Variants in IQGAP2 observed in about 807,000 individuals in gnomAD.
IQGAP2 encodes ras GTPase-activating-like protein IQGAP2.
In IQGAP2, 173 loss-of-function variants were observed where a neutral mutation model predicts 201.3. The ratio of observed to expected loss-of-function variants is 0.86; its 90% CI spans 0.76 to 0.98. IQGAP2 has a LOEUF of 0.98. Ranked by LOEUF, IQGAP2 falls within the 50% of genes least tolerant of loss-of-function variation. IQGAP2 has a pLI of 0.00. For missense variants in IQGAP2, 1,687 were observed against 1,864.8 expected (o/e 0.90, Z 1.76); for synonymous variants, 675 against 673.9 (o/e 1.00, Z -0.03).
In IQGAP2 at chr5:76,455,232, G is replaced by A. The variant is rs1312394745; in HGVS notation, c.47-6338G>A. On this transcript the variant is annotated intron_variant, in intron 1 of 35. Transcript: ENST00000274364. ...GGGAGGCTGAGGTGGGCATCCCTCA[G>A]GAGGTCAGGAGTTTGAGACCTGCCT... is the stretch of plus-strand genomic sequence containing the variant. Among the ~76,000 whole-genome samples, 3 of 151,862 alleles carry A rather than the reference G, an allele frequency of 2.0e-5. No homozygotes were observed. In the East Asian group the frequency reaches 5.8e-4, roughly 29 times the overall value.
At chr5:76,650,637 A>G (rs891674547) in intron 17 of IQGAP2, among the ~76,000 whole-genome samples, 1 of 152,106 alleles carries the variant, frequency 6.6e-6, no homozygotes, top group Non-Finnish European at 1.5e-5. Context: ...TTTTTTATAT[A>G]TATACTTTAA....
intron 2 of IQGAP2, among the ~76,000 whole-genome samples, chr5:76,560,299 C>T (rs1011288578): frequency 4.1e-4 from 61 of 150,408 alleles, no homozygotes; most frequent in African/African-American, 1.2e-3. Context: ...ACCACAGGTG[C>T]AAACCACCAT....
At chr5:76,502,970 G>A (rs1757361731) in intron 2 of IQGAP2, among the ~76,000 whole-genome samples, 1 of 151,090 alleles carries the variant, frequency 6.6e-6, no homozygotes, top group Non-Finnish European at 1.5e-5. Context: ...GTCTTGAACT[G>A]CCAGGCTCAA....
At chr5:76,417,928 G>T (rs1751503768) in intron 1 of IQGAP2, among the ~76,000 whole-genome samples, 1 of 151,728 alleles carries the variant, frequency 6.6e-6, no homozygotes, top group Non-Finnish European at 1.5e-5. Flanking sequence ...GATTTTCCTG[G>T]CTGGGCGCGG....
intron 2 of IQGAP2, among the ~76,000 whole-genome samples, chr5:76,518,653 G>A (rs1758483620): frequency 6.6e-6 from 1 of 152,182 alleles, no homozygotes; most frequent in South Asian, 2.1e-4. Context: ...CTGCTTGGCA[G>A]TAATTGAACG....
intron 1 of IQGAP2, among the ~76,000 whole-genome samples, chr5:76,449,361 T>C (rs1330384393): frequency 6.6e-6 from 1 of 152,188 alleles, no homozygotes; most frequent in Non-Finnish European, 1.5e-5. Flanking sequence ...TTCTTTCTAC[T>C]TTAATGAGTT....
intron 2 of IQGAP2, among the ~76,000 whole-genome samples, chr5:76,556,154 G>A (rs561222548): frequency 1.6e-4 from 24 of 152,278 alleles, no homozygotes; most frequent in Non-Finnish European, 2.4e-4. Context: ...TGAATGCCTC[G>A]AGTGTTATAG....
intron 2 of IQGAP2, 99 bp from the exon 3 acceptor site, chr5:76,562,293 TCTTC>T (rs1744430855): frequency 1.2e-6 from 1 of 809,674 alleles, no homozygotes; most frequent in South Asian, 1.8e-5. Flanking sequence ...TTCAGATCCT[TCTTC>T]CTTTGTCTCC....
chr5:76,413,156 C>CTTTT lies in IQGAP2; in HGVS notation c.46+9592_46+9595dup, dbSNP rs567410789. 7.3e-4 allele frequency among the ~76,000 whole-genome samples: 61 copies of CTTTT among 83,690 alleles called. 3 individuals carry two copies. The highest frequency in any genetic ancestry group is 1.3e-3 in the African/African-American group (26 of 19,284). 54.9% of individuals were successfully genotyped at this position (83,690 alleles called of 152,430 possible). On this transcript the variant is annotated intron_variant, in intron 1 of 35. Coordinates refer to ENST00000274364, the MANE Select transcript of IQGAP2 (RefSeq NM_006633.5). ...TATTTTCTTTTTTCTTTTCTTTTCT[C>CTTTT]TTTTTTTTTTTTTTTTTTTTTTTTT...
chr5:76,575,461 G>T (rs1446150848), intron 4 of IQGAP2, among the ~76,000 whole-genome samples: 1 of 152,160 alleles, frequency 6.6e-6, no homozygotes. Context: ...GGAGTAGCTG[G>T]CTGGGGACCC....
intron 13 of IQGAP2, chr5:76,623,482 C>T: frequency 4.1e-6 from 2 of 489,568 alleles, no homozygotes; most frequent in South Asian, 6.4e-5. Flanking sequence ...TGGAGAAAGG[C>T]ATTTAACTCT....
intron 10 of IQGAP2, among the ~76,000 whole-genome samples, chr5:76,598,033 C>T (rs950878991): frequency 3.9e-5 from 6 of 152,000 alleles, no homozygotes; most frequent in African/African-American, 1.5e-4. Context: ...ACTTGTGCAC[C>T]TTAATATGAC....
At chr5:76,546,529 G>A (rs1436907193) in intron 2 of IQGAP2, among the ~76,000 whole-genome samples, 1 of 152,178 alleles carries the variant, frequency 6.6e-6, no homozygotes, top group African/African-American at 2.4e-5. Flanking sequence ...ATGGTGGTCA[G>A]CAGACAAATA....
At chr5:76,407,794 A>G (rs1367679505) in intron 1 of IQGAP2, among the ~76,000 whole-genome samples, 1 of 152,148 alleles carries the variant, frequency 6.6e-6, no homozygotes, top group Non-Finnish European at 1.5e-5. Context: ...ATGACTTACT[A>G]TTGCCATCTA....
chr5:76,683,946 C>T (rs780701448), intron 30 of IQGAP2, 29 bp downstream of exon 30: 1 of 1,580,184 alleles, frequency 6.3e-7, no homozygotes, highest in Non-Finnish European at 8.6e-7. Context: ...GGGCACATGT[C>T]TCCAAATACA....
chr5:76,621,063 G>T (rs908419831), intron 13 of IQGAP2, among the ~76,000 whole-genome samples: 1 of 152,004 alleles, frequency 6.6e-6, no homozygotes. Flanking sequence ...CATTCTTATC[G>T]ATTTAAAATG....
At chr5:76,419,796 T>A (rs1561357604) in intron 1 of IQGAP2, among the ~76,000 whole-genome samples, 3 of 152,078 alleles carry the variant, frequency 2.0e-5, no homozygotes, top group Non-Finnish European at 4.4e-5. Flanking sequence ...CCATTCCATC[T>A]ACAGACATTG....
In IQGAP2 at chr5:76,452,209, C is replaced by T. The variant is rs1310575391; in HGVS notation, c.47-9361C>T. 5.4e-5 allele frequency among the ~76,000 whole-genome samples: 8 copies of T among 148,628 alleles called. No homozygotes were observed. In the East Asian group the frequency reaches 1.4e-3, roughly 25 times the overall value. On this transcript the variant is annotated intron_variant, in intron 1 of 35. Transcript: ENST00000274364. ...GGATTATAGGCGTGAGCCACCACGC[C>T]CAGCCCTTGTTTTTTTCTTTTCTTT...
At chr5:76,591,708 G>A (rs1232553254) in intron 8 of IQGAP2, among the ~76,000 whole-genome samples, 1 of 152,040 alleles carries the variant, frequency 6.6e-6, no homozygotes, top group Admixed American at 6.6e-5. Flanking sequence ...ATTCTTCAAG[G>A]TCTGACATGG....
Sources: gnomAD v4.1 joint callset for allele counts (sites outside exome capture counted in the v4.1 genomes callset) on GRCh38, gnomAD v4.1.1 for gene constraint, MANE v1.5 for transcripts, NCBI Gene and HGNC (gene_info 2026-07-23, HGNC 2026-07-21) for gene names.